Variants in VPS13C observed in about 807,000 individuals in gnomAD.
VPS13C encodes intermembrane lipid transfer protein VPS13C.
VPS13C carries 358 observed loss-of-function variants against 456.8 expected under a neutral mutation model. That is an observed-to-expected ratio of 0.78 (90% CI 0.72 to 0.86). VPS13C has a LOEUF of 0.86. Ranked by LOEUF, VPS13C falls within the 40% of genes least tolerant of loss-of-function variation. VPS13C has a pLI of 0.00. For synonymous variants in VPS13C, 1,578 were observed against 1,486.7 expected (o/e 1.06, Z -1.41); for missense variants, 4,818 against 4,385.4 (o/e 1.10, Z -2.79).
At chr15:61,916,219 C>G (rs2043468183) in intron 60 of VPS13C, among the ~76,000 whole-genome samples, 197 bp from the exon 61 acceptor site, 1 of 152,154 alleles carries the variant, frequency 6.6e-6, no homozygotes, top group Non-Finnish European at 1.5e-5. Flanking sequence ...TAGCCACAGG[C>G]AGAAACTGAC....
intron 66 of VPS13C, among the ~76,000 whole-genome samples, chr15:61,899,173 C>G (rs2042921737): frequency 1.4e-5 from 1 of 71,724 alleles, no homozygotes; most frequent in African/African-American, 5.3e-5. Flanking sequence ...AATTGACACC[C>G]TAACATCACA....
At chr15:61,955,215 T>A (rs534938615) in intron 37 of VPS13C, among the ~76,000 whole-genome samples, 1 of 152,330 alleles carries the variant, frequency 6.6e-6, no homozygotes, top group Non-Finnish European at 1.5e-5. Context: ...GACACTGTTC[T>A]AAGGTCTGTA....
intron 66 of VPS13C, among the ~76,000 whole-genome samples, chr15:61,902,303 TA>T (rs35632772): frequency 3.4e-5 from 5 of 148,160 alleles, no homozygotes; most frequent in South Asian, 2.1e-4. Context: ...TAAAAGTGTT[TA>T]AAAAAAAATG....
intron 7 of VPS13C, 22 bp from the exon 8 acceptor site, chr15:62,023,542 C>T: frequency 6.6e-7 from 1 of 1,515,040 alleles, no homozygotes; most frequent in Non-Finnish European, 8.9e-7. Flanking sequence ...TAGAAAAATA[C>T]AAGCTCAAGA....
Position 61,961,643 on chromosome 15 carries a change from T to A in VPS13C, c.3854A>T (p.Asn1285Ile), listed in dbSNP as rs771334380. 3 of 1,613,636 alleles carry A rather than the reference T, an allele frequency of 1.9e-6. No homozygotes were observed. Among genetic ancestry groups the A allele is most frequent in the Non-Finnish European group, 1.7e-6 (2 of 1,179,752 alleles). The change falls in exon 35 of 85, where the codon AAT (asparagine) becomes ATT (isoleucine). Residue 1285 changes from asparagine to isoleucine, a missense_variant. Around this residue, in one of 3 missense-constraint regions of VPS13C, gnomAD observed 4,552 missense variants for 4,130.6 expected, o/e 1.10. Transcript: ENST00000644861. ...ATCCATTCTATCAATTACTGGAGGA[T>A]TTAAGTAGTCTTCATCAGACACCAG... ...FSLVSDEDYL[N>I]PPVIDRMDVQ...
At chr15:61,939,100 C>A (rs556508557) in intron 47 of VPS13C, among the ~76,000 whole-genome samples, 8 of 152,042 alleles carry the variant, frequency 5.3e-5, no homozygotes, top group Non-Finnish European at 1.0e-4. Flanking sequence ...TATGAAGATA[C>A]CAAAATTTTA....
At chr15:61,898,361 T>C (rs1260737898) in intron 66 of VPS13C, among the ~76,000 whole-genome samples, 1 of 151,810 alleles carries the variant, frequency 6.6e-6, no homozygotes, top group Non-Finnish European at 1.5e-5. Flanking sequence ...GAAACCCATC[T>C]CACGTGCAGA....
chr15:61,995,909 C>A, intron 16 of VPS13C, among the ~76,000 whole-genome samples: 1 of 152,184 alleles, frequency 6.6e-6, no homozygotes, highest in East Asian at 1.9e-4. Context: ...TAGAAAACTA[C>A]TATACATGGC....
rs1207240171 is a variant in VPS13C at position 61,856,580 on chromosome 15, A to G, written c.10953-171T>C. ...TTTTAAGTCTAGATAACTGTCAAAT[A>G]AAGAGCAAATATGACACCTACCAAG... On this transcript the variant is annotated intron_variant, in intron 82 of 84. Coordinates refer to ENST00000644861, the MANE Select transcript of VPS13C (RefSeq NM_020821.3). 21 of 637,092 alleles carry G rather than the reference A, an allele frequency of 3.3e-5. No homozygotes were observed. The South Asian group carries it at 3.3e-4, about 10-fold the overall frequency. The allele number at this position is 637,092 out of a possible 1,614,324, so 39.5% of individuals were successfully genotyped here. A position where few individuals can be genotyped will look rare whatever the true frequency, so the allele number is the denominator to read the frequency against.
chr15:62,041,270 A>G, intron 3 of VPS13C, 54 bp downstream of exon 3: 1 of 1,558,776 alleles, frequency 6.4e-7, no homozygotes, highest in Non-Finnish European at 8.6e-7. Flanking sequence ...TAACACAAGC[A>G]AAATAGAAAA....
At chr15:61,978,835 AT>A in intron 22 of VPS13C, 86 bp from the exon 23 acceptor site, 1 of 1,373,542 alleles carries the variant, frequency 7.3e-7, no homozygotes, top group Non-Finnish European at 9.7e-7. Context: ...TCAGTCTTGC[AT>A]TTAGTTAGTT....
At chr15:61,952,395 T>C (rs1287002468) in intron 38 of VPS13C, among the ~76,000 whole-genome samples, 1 of 152,182 alleles carries the variant, frequency 6.6e-6, no homozygotes, top group Non-Finnish European at 1.5e-5. Flanking sequence ...CAAATATCCA[T>C]TGGGAGCAAT....
chr15:61,987,440 C>G (rs541832098), intron 18 of VPS13C, among the ~76,000 whole-genome samples: 16 of 152,238 alleles, frequency 1.1e-4, no homozygotes, highest in African/African-American at 3.9e-4. Flanking sequence ...ACATAGCAGG[C>G]AAGAGAGCTT....
chr15:61,990,908 T>C (rs746044441), intron 18 of VPS13C, 92 bp downstream of exon 18: 17 of 828,806 alleles, frequency 2.1e-5, no homozygotes, highest in Non-Finnish European at 2.5e-5. Context: ...TTAATAACAT[T>C]TATATTACTT....
intron 20 of VPS13C, 174 bp downstream of exon 20, chr15:61,983,645 GA>G: frequency 3.1e-6 from 2 of 646,728 alleles, no homozygotes; most frequent in Non-Finnish European, 4.9e-6. Context: ...TATTGCATAT[GA>G]AAAAAATCAA....
chr15:61,977,233 T>A (rs1243962305), intron 23 of VPS13C, 34 bp from the exon 24 acceptor site: 1 of 1,290,432 alleles, frequency 7.7e-7, no homozygotes, highest in Non-Finnish European at 1.1e-6. Context: ...TATTTATTAT[T>A]TTTACAAACA....
intron 81 of VPS13C, chr15:61,865,685 T>TGTGTATATATGTGTATATTTGTAC (rs1894511930): frequency 2.6e-6 from 1 of 385,058 alleles, no homozygotes; most frequent in African/African-American, 2.2e-5. Flanking sequence ...TATATTTGTA[T>TGTGTATATATGTGTATATTTGTAC]GTGTATATAT....
At chr15:62,002,322 G>C (rs1338041850) in intron 15 of VPS13C, among the ~76,000 whole-genome samples, 2 of 152,156 alleles carry the variant, frequency 1.3e-5, no homozygotes, top group Non-Finnish European at 2.9e-5. Context: ...GTCTTCTTTT[G>C]AAAACTGTCT....
In VPS13C at chr15:61,865,524, C is replaced by A. The variant is rs1041908382; in HGVS notation, c.10864-1996G>T. ...AGTATTAAATGACTATATATACATA[C>A]ATATAATGTATGTATATATGTATGT... On this transcript the variant is annotated intron_variant, in intron 81 of 84. Coordinates refer to ENST00000644861, the MANE Select transcript of VPS13C (RefSeq NM_020821.3). 6 of 941,594 alleles carry A rather than the reference C, an allele frequency of 6.4e-6. No individual in the cohort carries two copies. The African/African-American group carries it at 1.1e-4, about 17-fold the overall frequency. 58.3% of individuals were successfully genotyped at this position (941,594 alleles called of 1,614,324 possible).
Sources: allele counts gnomAD v4.1 joint callset (sites outside exome capture counted in the v4.1 genomes callset), GRCh38; gene constraint gnomAD v4.1.1; regional missense constraint gnomAD v4.1.1; transcripts MANE v1.5; gene names NCBI Gene and HGNC (gene_info 2026-07-23, HGNC 2026-07-21).